The following PDLIM1 variants were observed in gnomAD, a reference collection of about 807,000 sequenced individuals.
The protein encoded by PDLIM1 is PDZ and LIM domain 1, also known as PDZ and LIM domain protein 1.
In PDLIM1, 25 loss-of-function variants were observed where a neutral mutation model predicts 35.2. The observed-to-expected ratio is 0.71, with a 90% CI of 0.52 to 0.99. The LOEUF is 0.99. Among genes scored for constraint, PDLIM1 ranks in the 50% least tolerant of loss-of-function variants. The pLI is 0.00. For missense variants in PDLIM1, 363 were observed against 415.3 expected (o/e 0.87, Z 1.09); for synonymous variants, 152 against 154.0 (o/e 0.99, Z 0.10).
At chr10:95,245,221 T>C (rs1322819142) in intron 5 of PDLIM1, among the ~76,000 whole-genome samples, 12 of 152,168 alleles carry the variant, frequency 7.9e-5, no homozygotes, top group Non-Finnish European at 1.5e-4. Flanking sequence ...GGAAGAGTAG[T>C]GTGGGACTTC....
chr10:95,248,177 A>G (rs1589507173), intron 4 of PDLIM1, among the ~76,000 whole-genome samples: 1 of 151,834 alleles, frequency 6.6e-6, no homozygotes, highest in Non-Finnish European at 1.5e-5. Flanking sequence ...TCACCTCCCC[A>G]CCTCCCCCAG....
chr10:95,268,917 CCAAAGA>C (rs2035438637), intron 2 of PDLIM1, 55 bp from the exon 3 acceptor site: 3 of 1,290,850 alleles, frequency 2.3e-6, no homozygotes, highest in Middle Eastern at 1.8e-4. Context: ...ATAATATATA[CCAAAGA>C]CAAACTGGAA....
Position 95,238,599 on chromosome 10 carries a change from G to T in PDLIM1, c.772C>A (p.Pro258Thr). Residue 258 changes from proline to threonine, a missense_variant, in exon 6 of 7, where the codon CCT (proline) becomes ACT (threonine). Physicochemically the swap from Pro to Thr is conservative, Grantham distance 38. Coordinates refer to ENST00000329399, the MANE Select transcript of PDLIM1 (RefSeq NM_020992.4). The part of the protein sequence containing the change: ...AASIGNAQKL[P>T]MCDKCGTGIV... The stretch of plus-strand genomic sequence containing the variant: ...CCAGTGCCACATTTGTCACACATAG[G>T]CAACTTCTGAGCATTTCCAATCGAC... The T allele has an allele frequency of 6.2e-7, 1 of 1,612,926 alleles. No individual in the cohort carries two copies.
intron 5 of PDLIM1, 56 bp downstream of exon 5, chr10:95,247,159 T>C: frequency 6.6e-7 from 1 of 1,516,540 alleles, no homozygotes; most frequent in Non-Finnish European, 9.0e-7. Flanking sequence ...CCACAATGAC[T>C]GACTCTCACA....
intron 3 of PDLIM1, 39 bp from the exon 4 acceptor site, chr10:95,264,102 C>A: frequency 1.3e-6 from 2 of 1,536,694 alleles, no homozygotes; most frequent in Non-Finnish European, 1.8e-6. Context: ...AGGGGGGCAT[C>A]CAATGCAAAC....
In PDLIM1 at chr10:95,271,520, T is replaced by C. The variant is rs114200407; in HGVS notation, c.248+113A>G. ...GACCTTTTGGCATGCCTATAGTATA[T>C]ACATGGCACTGAGCTAGGAGGTCTG... On this transcript the variant is annotated intron_variant, in intron 2 of 6. Transcript: ENST00000329399. 1.9e-3 allele frequency: 1,473 copies of C among 787,356 alleles called. 17 individuals carry two copies. In the African/African-American group the frequency reaches 0.025, roughly 13 times the overall value. 48.8% of individuals were successfully genotyped at this position (787,356 alleles called of 1,614,324 possible).
chr10:95,270,329 C>T lies in PDLIM1; in HGVS notation c.248+1304G>A, dbSNP rs543672688. On this transcript the variant is annotated intron_variant, in intron 2 of 6. Coordinates refer to ENST00000329399, the MANE Select transcript of PDLIM1 (RefSeq NM_020992.4). Reference sequence around the variant, plus strand: ...CTCGATCCACCTGCCAGTCCTGTGCCACAAAGCAAAAAAAAAAAAGCAAAA... The same window carrying T: ...CTCGATCCACCTGCCAGTCCTGTGCTACAAAGCAAAAAAAAAAAAGCAAAA... Among the ~76,000 whole-genome samples, 15 of 149,670 alleles carry T rather than the reference C, an allele frequency of 1.0e-4. 1 individual carries two copies. The South Asian group carries it at 3.2e-3, about 32-fold the overall frequency.
chr10:95,281,460 G>C (rs1054277063), intron 1 of PDLIM1, among the ~76,000 whole-genome samples: 3 of 152,144 alleles, frequency 2.0e-5, no homozygotes, highest in Non-Finnish European at 4.4e-5. Flanking sequence ...GCTACTCAAG[G>C]AGACTGAGGT....
rs199561336 is a variant in PDLIM1, at chr10:95,264,008, G to A, written c.389C>T (p.Ser130Leu). Reference protein sequence around the residue: ...HNRSAMPFTASPASSTTARVI... With the variant: ...HNRSAMPFTALPASSTTARVI... ...CCTGGCAGTAGTGCTGGAGGCAGGC[G>A]AGGCGGTAAAGGGCATGGCACTTCG... is the stretch of plus-strand genomic sequence containing the variant. Residue 130 changes from serine (S) to leucine (L), a missense_variant, in exon 4 of 7, where the codon TCG becomes TTG. Ser to Leu is a moderately radical substitution (Grantham distance 145). Transcript: ENST00000329399. The A allele has an allele frequency of 4.9e-5, 79 of 1,613,790 alleles. No homozygotes were observed. In the East Asian group the frequency reaches 1.2e-3, roughly 25 times the overall value.
chr10:95,265,280 G>A (rs1344549823), intron 3 of PDLIM1, among the ~76,000 whole-genome samples: 1 of 152,024 alleles, frequency 6.6e-6, no homozygotes, highest in East Asian at 1.9e-4. Flanking sequence ...AAAACAACCT[G>A]AAAATATTTT....
intron 5 of PDLIM1, chr10:95,238,985 A>AGC: frequency 2.0e-5 from 5 of 254,250 alleles, no homozygotes; most frequent in African/African-American, 2.2e-5. Context: ...AGGCTACAGT[A>AGC]ATCAAAACGA....
At chr10:95,251,740 CA>C (rs2035269811) in intron 4 of PDLIM1, among the ~76,000 whole-genome samples, 1 of 152,184 alleles carries the variant, frequency 6.6e-6, no homozygotes, top group Admixed American at 6.5e-5. Flanking sequence ...ATGAGGTAGA[CA>C]TATTTTTCCC....
chr10:95,273,770 G>A (rs2035487338), intron 1 of PDLIM1, among the ~76,000 whole-genome samples: 1 of 152,120 alleles, frequency 6.6e-6, no homozygotes, highest in African/African-American at 2.4e-5. Flanking sequence ...AGTCAACAAT[G>A]AGAGTTAGCT....
At chr10:95,264,402 C>A (rs941318760) in intron 3 of PDLIM1, among the ~76,000 whole-genome samples, 2 of 152,220 alleles carry the variant, frequency 1.3e-5, no homozygotes, top group African/African-American at 4.8e-5. Flanking sequence ...AGCTAAAACA[C>A]GCTTTCAGGG....
intron 1 of PDLIM1, among the ~76,000 whole-genome samples, chr10:95,287,641 G>A (rs1413525471): frequency 6.6e-6 from 1 of 151,790 alleles, no homozygotes; most frequent in Non-Finnish European, 1.5e-5. Flanking sequence ...GTAACTAGAG[G>A]GAAGGAGAAA....
At chr10:95,284,001 G>C (rs1017494879) in intron 1 of PDLIM1, among the ~76,000 whole-genome samples, 1 of 152,196 alleles carries the variant, frequency 6.6e-6, no homozygotes, top group Non-Finnish European at 1.5e-5. Context: ...GTGTGTGTGT[G>C]TGTGTGTGTG....
intron 3 of PDLIM1, 63 bp from the exon 4 acceptor site, chr10:95,264,126 G>A (rs1444654061): frequency 3.4e-5 from 49 of 1,428,622 alleles, no homozygotes; most frequent in Non-Finnish European, 2.0e-6. Context: ...TTGATGGGCA[G>A]TGCAGGCTGA....
intron 3 of PDLIM1, among the ~76,000 whole-genome samples, chr10:95,268,100 A>C (rs1179522653): frequency 6.6e-6 from 1 of 152,228 alleles, no homozygotes. Context: ...GGCAGAAAGA[A>C]ATAAAATCAC....
intron 4 of PDLIM1, among the ~76,000 whole-genome samples, chr10:95,261,869 G>A (rs1052599390): frequency 6.6e-5 from 10 of 152,072 alleles, no homozygotes; most frequent in Non-Finnish European, 2.9e-5. Context: ...TTATCCGGGC[G>A]TGGTGGCGCA....
Sources: allele counts gnomAD v4.1 joint callset (sites outside exome capture counted in the v4.1 genomes callset), GRCh38; gene constraint gnomAD v4.1.1; transcripts MANE v1.5; gene names NCBI Gene and HGNC (gene_info 2026-07-23, HGNC 2026-07-21).